PLCL1: variants seen among roughly 807,000 people sequenced by gnomAD.
PLCL1 encodes phospholipase C like 1 (inactive), also known as inactive phospholipase C-like protein 1.
In PLCL1, 41 loss-of-function variants were observed where a neutral mutation model predicts 84.4. The ratio of observed to expected loss-of-function variants is 0.49; its 90% CI spans 0.38 to 0.63. PLCL1 has a LOEUF of 0.63. PLCL1 is among the 30% of genes least tolerant of loss of function. The pLI is 0.00. For missense variants in PLCL1, 1,206 were observed against 1,367.8 expected (o/e 0.88, Z 1.87); for synonymous variants, 490 against 488.3 (o/e 1.00, Z -0.05).
chr2:197,895,685 T>A (rs1688121378), intron 1 of PLCL1, among the ~76,000 whole-genome samples: 1 of 151,992 alleles, frequency 6.6e-6, no homozygotes, highest in South Asian at 2.1e-4. Flanking sequence ...CCATGATAAG[T>A]TGGATCTTGC....
chr2:198,000,211 C>T lies in PLCL1; in HGVS notation c.241-83547C>T, dbSNP rs111990466. 5.9e-5 allele frequency among the ~76,000 whole-genome samples: 9 copies of T among 152,182 alleles called. No individual in the cohort carries two copies. The South Asian group carries it at 6.2e-4, about 11-fold the overall frequency. On this transcript the variant is annotated intron_variant, in intron 1 of 5. Coordinates refer to ENST00000428675, the MANE Select transcript of PLCL1 (RefSeq NM_006226.4). ...GGCCAAGTTTCGTACATCTTAATTG[C>T]GATACTTTGCACCCCATGGATACCT...
At position 197,862,594 on chromosome 2, in the gene PLCL1, T is replaced by C. The variant is rs116120856; in HGVS notation, c.240+57255T>C. ...AGTTTTTCTTTCTCCATGTTTTTTG[T>C]CTCTTTCTTCTGTGTTGGTGCCAGT... is the stretch of plus-strand genomic sequence containing the variant. On this transcript the variant is annotated intron_variant, in intron 1 of 5. Transcript: ENST00000428675. Among the ~76,000 whole-genome samples the C allele has an allele frequency of 4.1e-3, 630 of 152,282 alleles. 3 individuals are homozygous for C. Among genetic ancestry groups the C allele is most frequent in the African/African-American group, 0.015 (606 of 41,576 alleles).
intron 1 of PLCL1, among the ~76,000 whole-genome samples, chr2:197,980,212 G>A (rs940281457): frequency 1.3e-5 from 2 of 152,196 alleles, no homozygotes; most frequent in African/African-American, 4.8e-5. Flanking sequence ...GAAGGAGCAG[G>A]CGAGGTGGGA....
chr2:198,089,204 C>T (rs1692960396), intron 3 of PLCL1, 143 bp downstream of exon 3: 2 of 657,266 alleles, frequency 3.0e-6, no homozygotes, highest in East Asian at 5.4e-5. Flanking sequence ...CAGAGCCGGC[C>T]CATTCAGCTT....
rs571361015 is a variant in PLCL1 at position 198,136,489 on chromosome 2, T to TCTAGTCTAGAGACTAGAGA, written c.3106-10280_3106-10262dup. Among the ~76,000 whole-genome samples, 434 of 152,060 alleles carry TCTAGTCTAGAGACTAGAGA rather than the reference T, an allele frequency of 2.9e-3. 1 individual carries two copies. Among genetic ancestry groups the TCTAGTCTAGAGACTAGAGA allele is most frequent in the African/African-American group, 9.7e-3 (403 of 41,470 alleles). ...GGCAATATGGTTACGATTCAAAGTC[T>TCTAGTCTAGAGACTAGAGA]CTAGTCTAGAGACTAGAGACTAGTC... On this transcript the variant is annotated intron_variant, in intron 5 of 5. Transcript: ENST00000428675.
In PLCL1 at chr2:198,046,007, G is replaced by T. The variant is rs1043247178; in HGVS notation, c.241-37751G>T. Among the ~76,000 whole-genome samples the T allele has an allele frequency of 5.9e-5, 9 of 152,216 alleles. No individual in the cohort carries two copies. In the South Asian group the frequency reaches 1.0e-3, roughly 18 times the overall value. On this transcript the variant is annotated intron_variant, in intron 1 of 5. Transcript: ENST00000428675. ...AGTTTGAATAAAAAGGGTGACTGGT[G>T]GGGGGTGGTAGTATTTGTCCCTTTT...
chr2:198,040,888 A>G (rs1574267235), intron 1 of PLCL1, among the ~76,000 whole-genome samples: 1 of 152,212 alleles, frequency 6.6e-6, no homozygotes, highest in Non-Finnish European at 1.5e-5. Context: ...CCAAAGGACT[A>G]TGTGAATAGA....
intron 1 of PLCL1, among the ~76,000 whole-genome samples, chr2:197,929,931 A>G (rs1040842453): frequency 4.6e-5 from 7 of 152,206 alleles, no homozygotes; most frequent in Non-Finnish European, 8.8e-5. Context: ...AACATTACCT[A>G]AAGTTGTTCT....
chr2:198,074,206 A>G (rs568662430), intron 1 of PLCL1, among the ~76,000 whole-genome samples: 2 of 152,264 alleles, frequency 1.3e-5, no homozygotes, highest in African/African-American at 4.8e-5. Flanking sequence ...GAAATTGACT[A>G]TTTTTCAAAC....
intron 1 of PLCL1, among the ~76,000 whole-genome samples, chr2:198,035,080 C>A (rs564120009): frequency 1.1e-4 from 17 of 152,134 alleles, no homozygotes; most frequent in African/African-American, 3.9e-4. Flanking sequence ...TACTCTTTGT[C>A]CCCTGTAATT....
chr2:197,866,006 T>C (rs1386997189), intron 1 of PLCL1, among the ~76,000 whole-genome samples: 1 of 63,258 alleles, frequency 1.6e-5, no homozygotes, highest in Non-Finnish European at 2.7e-5. Context: ...TGAGAACCTA[T>C]CTCCAAAAAA....
Position 198,096,428 on chromosome 2 carries a change from T to A in PLCL1, c.2920-4857T>A, listed in dbSNP as rs551367759. Among the ~76,000 whole-genome samples, 4 of 152,360 alleles carry A rather than the reference T, an allele frequency of 2.6e-5. No homozygotes were observed. The East Asian group carries it at 7.7e-4, about 29-fold the overall frequency. On this transcript the variant is annotated intron_variant, in intron 3 of 5. Transcript: ENST00000428675. ...GCTTTTCCTTTTCAGTGTTCTCACC[T>A]TTCTAATTTTTCATGCAGTCAAGAA...
intron 1 of PLCL1, among the ~76,000 whole-genome samples, chr2:198,069,017 A>G (rs1474790044): frequency 6.6e-6 from 1 of 152,140 alleles, no homozygotes; most frequent in Non-Finnish European, 1.5e-5. Flanking sequence ...CCTGGGCGAC[A>G]GAGTGAGACT....
At chr2:197,950,390 GGGAGATC>G (rs1468675715) in intron 1 of PLCL1, among the ~76,000 whole-genome samples, 1 of 152,168 alleles carries the variant, frequency 6.6e-6, no homozygotes, top group African/African-American at 2.4e-5. Context: ...AACCAGGGAA[GGGAGATC>G]AGACATGACT....
intron 2 of PLCL1, among the ~76,000 whole-genome samples, chr2:198,086,715 A>G (rs1692893678): frequency 6.6e-6 from 1 of 152,220 alleles, no homozygotes; most frequent in South Asian, 2.1e-4. Flanking sequence ...TTATGTTTCT[A>G]ACTGTGAATG....
At chr2:198,100,942 A>T (rs1476400597) in intron 3 of PLCL1, among the ~76,000 whole-genome samples, 1 of 152,028 alleles carries the variant, frequency 6.6e-6, no homozygotes, top group Non-Finnish European at 1.5e-5. Flanking sequence ...TTGCCTTGAT[A>T]TTGCAGTAAT....
At chr2:197,842,377 A>G (rs1687022670) in intron 1 of PLCL1, among the ~76,000 whole-genome samples, 1 of 151,848 alleles carries the variant, frequency 6.6e-6, no homozygotes, top group South Asian at 2.1e-4. Context: ...GACTTTTCTC[A>G]TCCACATTAA....
chr2:197,813,026 G>A (rs750449963), intron 1 of PLCL1, among the ~76,000 whole-genome samples: 2 of 152,144 alleles, frequency 1.3e-5, no homozygotes, highest in Non-Finnish European at 2.9e-5. Flanking sequence ...ACCTTCTAGG[G>A]TGTAATCAGG....
chr2:197,947,735 G>A (rs1483667802), intron 1 of PLCL1, among the ~76,000 whole-genome samples: 3 of 152,108 alleles, frequency 2.0e-5, no homozygotes, highest in Non-Finnish European at 4.4e-5. Context: ...TGCTCTGAGT[G>A]CACACTTAAC....
Sources: gnomAD v4.1 joint callset for allele counts (sites outside exome capture counted in the v4.1 genomes callset) on GRCh38, gnomAD v4.1.1 for gene constraint, MANE v1.5 for transcripts, NCBI Gene and HGNC (gene_info 2026-07-23, HGNC 2026-07-21) for gene names.